Variants in TBC1D23 observed in about 807,000 individuals in gnomAD.
TBC1D23 encodes TBC1 domain family member 23.
A neutral mutation model predicts 91.4 loss-of-function variants in TBC1D23; 55 were observed. The ratio of observed to expected loss-of-function variants is 0.60; its 90% CI spans 0.48 to 0.75. The LOEUF (loss-of-function observed/expected upper bound fraction) is 0.75, where lower values mean the gene tolerates loss of function less well. TBC1D23 is among the 30% of genes least tolerant of loss of function. The pLI, the probability that TBC1D23 is intolerant of heterozygous loss-of-function variation, is 0.00. For missense variants in TBC1D23, 725 were observed against 836.1 expected (o/e 0.87, Z 1.64); for synonymous variants, 289 against 281.0 (o/e 1.03, Z -0.28).
At chr3:100,272,036 C>T (rs1410026263) in intron 1 of TBC1D23, among the ~76,000 whole-genome samples, 1 of 152,152 alleles carries the variant, frequency 6.6e-6, no homozygotes, top group Non-Finnish European at 1.5e-5. Context: ...TTGTCTCCAT[C>T]CACAGGGAGT....
At chr3:100,320,067 T>C (rs771491180) in intron 17 of TBC1D23, among the ~76,000 whole-genome samples, 1 of 152,116 alleles carries the variant, frequency 6.6e-6, no homozygotes, top group Non-Finnish European at 1.5e-5. Flanking sequence ...ACACATTGCA[T>C]TGTCTGTTAT....
intron 16 of TBC1D23, 30 bp downstream of exon 16, chr3:100,316,217 T>A: frequency 3.3e-6 from 5 of 1,495,256 alleles, no homozygotes; most frequent in Non-Finnish European, 4.7e-6. Flanking sequence ...TACAGACAGC[T>A]TTGCTGTCAT....
At chr3:100,312,002 C>T in intron 15 of TBC1D23, 125 bp downstream of exon 15, 3 of 643,628 alleles carry the variant, frequency 4.7e-6, no homozygotes, top group Non-Finnish European at 8.0e-6. Context: ...CTAAACTTTC[C>T]TCATTCTGCT....
At chr3:100,310,302 T>C in intron 13 of TBC1D23, 101 bp from the exon 14 acceptor site, 2 of 1,029,860 alleles carry the variant, frequency 1.9e-6, no homozygotes, top group South Asian at 1.6e-5. Flanking sequence ...CATATGATTT[T>C]GGTGGGATTG....
intron 18 of TBC1D23, among the ~76,000 whole-genome samples, chr3:100,323,335 A>C (rs1324209379): frequency 6.6e-6 from 1 of 152,158 alleles, no homozygotes; most frequent in Non-Finnish European, 1.5e-5. Context: ...GGTTCAAAGA[A>C]TTTTAGCTTT....
chr3:100,282,964 G>A (rs568153119), intron 3 of TBC1D23, among the ~76,000 whole-genome samples: 29 of 152,348 alleles, frequency 1.9e-4, no homozygotes, highest in Non-Finnish European at 3.5e-4. Context: ...TGAATGTATA[G>A]AAGTCTTCTG....
chr3:100,290,736 A>G, intron 5 of TBC1D23, 35 bp downstream of exon 5: 1 of 1,539,310 alleles, frequency 6.5e-7, no homozygotes, highest in African/African-American at 1.4e-5. Context: ...TTAATGAAAA[A>G]TAGATTTATG....
rs765569261 is a variant in TBC1D23 at position 100,283,626 on chromosome 3, G to A, written c.291G>A (p.Glu97=). 7.4e-6 allele frequency: 12 copies of A among 1,613,754 alleles called. No homozygotes were observed. The highest frequency in any genetic ancestry group is 9.3e-6 in the Non-Finnish European group (11 of 1,179,750). ...LQFIDQLSVP[E]EKAAELLLDI... ...TTCTAGACCAGCTTTCAGTGCCAGAGGAGAAGGCAGCAGAATTACTTTTGG... is the reference window on the plus strand; with the variant it reads ...TTCTAGACCAGCTTTCAGTGCCAGAAGAGAAGGCAGCAGAATTACTTTTGG... The change falls in exon 4 of 19, where the codon GAG becomes GAA. Residue 97 remains glutamate (E), a synonymous_variant. Coordinates refer to ENST00000394144, the MANE Select transcript of TBC1D23 (RefSeq NM_001199198.3).
chr3:100,302,113 T>A lies in TBC1D23; in HGVS notation c.1139T>A (p.Leu380Gln). The change falls in exon 11 of 19, where the codon CTG (leucine) becomes CAG (glutamine). Residue 380 changes from leucine (L) to glutamine (Q), a missense_variant. Transcript: ENST00000394144. ...SEFAQSVKSL[L>Q]EAQKQSIESG... ...TTTGCACAGTCAGTAAAATCCTTGC[T>A]GGAAGCACAGAAGCAGTCCATTGAG... The A allele has an allele frequency of 6.2e-7, 1 of 1,613,890 alleles. No individual in the cohort carries two copies. Among genetic ancestry groups the A allele is most frequent in the Non-Finnish European group, 8.5e-7 (1 of 1,179,912 alleles).
intron 14 of TBC1D23, among the ~76,000 whole-genome samples, chr3:100,311,133 G>T (rs557503487): frequency 6.6e-6 from 1 of 152,100 alleles, no homozygotes; most frequent in African/African-American, 2.4e-5. Flanking sequence ...GTATAAGTCT[G>T]TTTGATCTTT....
intron 1 of TBC1D23, among the ~76,000 whole-genome samples, chr3:100,267,922 T>C (rs184673843): frequency 2.0e-5 from 3 of 152,144 alleles, no homozygotes; most frequent in African/African-American, 7.2e-5. Flanking sequence ...TATAATCCCA[T>C]CACTTGGGGA....
chr3:100,293,079 T>TG (rs2067805878), intron 5 of TBC1D23, among the ~76,000 whole-genome samples: 1 of 152,146 alleles, frequency 6.6e-6, no homozygotes, highest in South Asian at 2.1e-4. Flanking sequence ...AACTGAGTGG[T>TG]TTCTCTTCAG....
In TBC1D23 at chr3:100,267,403, A is replaced by C. The variant is rs145600380; in HGVS notation, c.53+6332A>C. 4.7e-3 allele frequency among the ~76,000 whole-genome samples: 711 copies of C among 152,338 alleles called. 2 individuals carry two copies. The highest frequency in any genetic ancestry group is 6.3e-3 in the Non-Finnish European group (431 of 68,018). The stretch of plus-strand genomic sequence containing the variant: ...CTGAGTTAAGAAAATGATGACTAAT[A>C]AAGTCATTTGTTGCAAGTCTTCATC... On this transcript the variant is annotated intron_variant, in intron 1 of 18. Transcript: ENST00000394144.
chr3:100,282,318 C>T (rs4928122), intron 3 of TBC1D23, among the ~76,000 whole-genome samples: 35,760 of 151,964 alleles, frequency 0.24, 4,653 homozygotes, highest in East Asian at 0.49. Context: ...CTCAAAGAAA[C>T]AAAAAAGATA....
At chr3:100,276,629 G>A (rs2067651085) in intron 1 of TBC1D23, among the ~76,000 whole-genome samples, 1 of 152,150 alleles carries the variant, frequency 6.6e-6, no homozygotes, top group East Asian at 1.9e-4. Context: ...TAAATCCAGT[G>A]ACATTGTTTG....
chr3:100,304,789 T>C (rs971483961), intron 11 of TBC1D23, 57 bp from the exon 12 acceptor site: 2 of 863,026 alleles, frequency 2.3e-6, no homozygotes, highest in Admixed American at 3.6e-5. Context: ...TAGAACTAGC[T>C]AAAGTTTTAA....
Position 100,287,600 on chromosome 3 carries a change from C to T in TBC1D23, c.477-2978C>T, listed in dbSNP as rs138994573. Among the ~76,000 whole-genome samples the T allele has an allele frequency of 2.6e-5, 4 of 152,216 alleles. No individual in the cohort carries two copies. The East Asian group carries it at 5.8e-4, about 22-fold the overall frequency. Reference sequence around the variant, plus strand: ...AAGACTAAGGAGGAGGTAGTCATACCAGTATGAATCTAGTTCTGTGTCTGG... The same window carrying T: ...AAGACTAAGGAGGAGGTAGTCATACTAGTATGAATCTAGTTCTGTGTCTGG... On this transcript the variant is annotated intron_variant, in intron 4 of 18. Transcript: ENST00000394144.
Position 100,319,111 on chromosome 3 carries a change from A to G in TBC1D23, c.1730A>G (p.Glu577Gly). 6.3e-7 allele frequency: 1 copy of G among 1,593,136 alleles called. No homozygotes were observed. Among genetic ancestry groups the G allele is most frequent in the South Asian group, 1.1e-5 (1 of 88,602 alleles). The change falls in exon 17 of 19, where the codon GAG (glutamate) becomes GGG (glycine). Residue 577 changes from glutamate (E) to glycine (G), a missense_variant. Physicochemically the swap from Glu to Gly is moderately conservative, Grantham distance 98. Coordinates refer to ENST00000394144, the MANE Select transcript of TBC1D23 (RefSeq NM_001199198.3). ...TCAATGTCAGATGATGATAGAAAAGAGGTTGTAAACATTCAGACTTGGATA... is the reference window on the plus strand; with the variant it reads ...TCAATGTCAGATGATGATAGAAAAGGGGTTGTAAACATTCAGACTTGGATA... ...SSSMSDDDRK[E>G]VVNIQTWINK...
At chr3:100,297,129 A>G (rs1473856748) in intron 8 of TBC1D23, among the ~76,000 whole-genome samples, 1 of 152,204 alleles carries the variant, frequency 6.6e-6, no homozygotes, top group Non-Finnish European at 1.5e-5. Flanking sequence ...GCACAAGTTT[A>G]TAAAGCAGAC....
Sources: gnomAD v4.1 joint callset for allele counts (sites outside exome capture counted in the v4.1 genomes callset) on GRCh38, gnomAD v4.1.1 for gene constraint, MANE v1.5 for transcripts, NCBI Gene and HGNC (gene_info 2026-07-23, HGNC 2026-07-21) for gene names.